Variants in UPP2 observed in about 807,000 individuals in gnomAD.
UPP2 encodes the protein uridine phosphorylase 2, also known as UPase 2.
UPP2 carries 23 observed loss-of-function variants against 26.7 expected under a neutral mutation model. The observed-to-expected ratio is 0.86, with a 90% CI of 0.62 to 1.22. UPP2 has a LOEUF of 1.22. UPP2 is among the 50% of genes most tolerant of loss of function. UPP2 has a pLI of 0.00. For synonymous variants in UPP2, 127 were observed against 141.3 expected, an observed-to-expected ratio of 0.90 and a Z score of 0.72; for missense variants, 387 against 396.7, an observed-to-expected ratio of 0.98 and a Z score of 0.21.
At chr2:158,064,364 T>C (rs577649367) in intron 3 of UPP2, among the ~76,000 whole-genome samples, 2 of 80,964 alleles carry the variant, frequency 2.5e-5, no homozygotes, top group Admixed American at 2.9e-4. Flanking sequence ...GAGCATTTTT[T>C]TCATATGTTT....
At chr2:158,086,567 T>G (rs547509607) in intron 3 of UPP2, among the ~76,000 whole-genome samples, 28 of 152,118 alleles carry the variant, frequency 1.8e-4, no homozygotes, top group Non-Finnish European at 3.4e-4. Flanking sequence ...TATAGTTCCT[T>G]GAGGTGTGAC....
chr2:158,030,921 A>G (rs938679497), intron 3 of UPP2, among the ~76,000 whole-genome samples: 11 of 152,216 alleles, frequency 7.2e-5, no homozygotes, highest in African/African-American at 2.4e-4. Context: ...GGAGCTTAGC[A>G]TCTAGCTGGG....
chr2:158,046,558 A>C (rs1684159436), intron 3 of UPP2, among the ~76,000 whole-genome samples: 1 of 152,230 alleles, frequency 6.6e-6, no homozygotes, highest in South Asian at 2.1e-4. Flanking sequence ...GGAAGCATCT[A>C]AAGGTAGATA....
intron 3 of UPP2, among the ~76,000 whole-genome samples, chr2:158,027,692 T>C (rs1683856086): frequency 6.6e-6 from 1 of 152,172 alleles, no homozygotes; most frequent in African/African-American, 2.4e-5. Context: ...ACCCCACATT[T>C]CCCTTCTGCA....
chr2:158,031,124 T>G (rs1182352701), intron 3 of UPP2, among the ~76,000 whole-genome samples: 3 of 152,152 alleles, frequency 2.0e-5, no homozygotes, highest in Admixed American at 1.3e-4. Context: ...AATAAATGCC[T>G]CAGAATTAAA....
At chr2:158,027,787 A>G (rs1683857769) in intron 3 of UPP2, among the ~76,000 whole-genome samples, 1 of 152,194 alleles carries the variant, frequency 6.6e-6, no homozygotes, top group South Asian at 2.1e-4. Flanking sequence ...TACATCTGAA[A>G]TCTAGGCGGA....
intron 2 of UPP2, among the ~76,000 whole-genome samples, chr2:158,111,573 A>T (rs1683321072): frequency 6.6e-6 from 1 of 152,130 alleles, no homozygotes; most frequent in African/African-American, 2.4e-5. Context: ...ATTTAATGTA[A>T]TTATTGATAT....
At chr2:158,068,395 C>T (rs1682470771) in intron 3 of UPP2, among the ~76,000 whole-genome samples, 1 of 152,128 alleles carries the variant, frequency 6.6e-6, no homozygotes, top group Admixed American at 6.5e-5. Flanking sequence ...CAGAGAATTA[C>T]CTGAACATAT....
intron 4 of UPP2, among the ~76,000 whole-genome samples, chr2:158,119,626 C>T (rs1007785076): frequency 9.9e-5 from 15 of 151,996 alleles, no homozygotes; most frequent in African/African-American, 3.6e-4. Flanking sequence ...ATATAAATAA[C>T]ATCATTTTTA....
chr2:158,123,614 C>T (rs1467038815), intron 5 of UPP2, 135 bp from the exon 6 acceptor site: 1 of 994,272 alleles, frequency 1.0e-6, no homozygotes, highest in Non-Finnish European at 1.4e-6. Flanking sequence ...TCACACAGCT[C>T]AGTTTATCCT....
intron 3 of UPP2, among the ~76,000 whole-genome samples, chr2:158,017,419 GAAGCAGCAGC>G (rs145017678): frequency 0.03 from 4,568 of 152,172 alleles, 222 homozygotes; most frequent in African/African-American, 0.1. Flanking sequence ...CTCCTGGAAG[GAAGCAGCAGC>G]AAGCAGGAGC....
chr2:158,050,612 A>G (rs77677884), intron 3 of UPP2, among the ~76,000 whole-genome samples: 5,747 of 152,276 alleles, frequency 0.038, 347 homozygotes, highest in African/African-American at 0.13. Context: ...AGTGTGGATA[A>G]CATAGCAAGA....
intron 2 of UPP2, among the ~76,000 whole-genome samples, chr2:158,013,485 T>C (rs1402094634): frequency 6.6e-6 from 1 of 152,196 alleles, no homozygotes; most frequent in Non-Finnish European, 1.5e-5. Flanking sequence ...TGGAAAGGCT[T>C]GGGGAAGAGG....
intron 5 of UPP2, among the ~76,000 whole-genome samples, chr2:158,123,449 C>G (rs568802358): frequency 2.6e-5 from 4 of 152,190 alleles, no homozygotes; most frequent in African/African-American, 7.2e-5. Context: ...AGCAACCCCC[C>G]GCTTCCTGAT....
At chr2:158,008,563 G>A (rs1000652353) in intron 2 of UPP2, among the ~76,000 whole-genome samples, 11 of 152,128 alleles carry the variant, frequency 7.2e-5, no homozygotes, top group Non-Finnish European at 1.5e-4. Flanking sequence ...TGGGTATCCC[G>A]TTTCCCTAAA....
intron 3 of UPP2, among the ~76,000 whole-genome samples, chr2:158,067,174 T>C (rs548639763): frequency 2.6e-5 from 4 of 151,956 alleles, no homozygotes; most frequent in Non-Finnish European, 5.9e-5. Context: ...AATATTTGGA[T>C]ACTTGATAAT....
rs1050087944 is a variant in UPP2, at chr2:158,106,009, C to A, written c.63-90C>A. ...ATTGCTTCTCAACAAATAATTTAAC[C>A]CTAAAGGAAGGTTTATGTTCAGACT... On this transcript the variant is annotated intron_variant, in intron 1 of 6. Transcript: ENST00000005756. 69 of 952,216 alleles carry A rather than the reference C, an allele frequency of 7.2e-5. 1 individual carries two copies. In the East Asian group the frequency reaches 1.8e-3, roughly 25 times the overall value. The allele number at this position is 952,216 out of a possible 1,614,324, so 59.0% of individuals were successfully genotyped here.
At chr2:158,106,259 C>T (rs1408946799) in intron 2 of UPP2, 43 bp downstream of exon 2, 2 of 1,564,894 alleles carry the variant, frequency 1.3e-6, no homozygotes, top group African/African-American at 1.4e-5. Flanking sequence ...TGAGTTTTCT[C>T]TACTAATTTT....
At chr2:158,080,242 A>G (rs1378053889) in intron 3 of UPP2, among the ~76,000 whole-genome samples, 2 of 152,074 alleles carry the variant, frequency 1.3e-5, no homozygotes, top group Non-Finnish European at 2.9e-5. Context: ...ATATTTTCTT[A>G]TTTTATCTTC....
Sources: gnomAD v4.1 joint callset for allele counts (sites outside exome capture counted in the v4.1 genomes callset) on GRCh38, gnomAD v4.1.1 for gene constraint, MANE v1.5 for transcripts, NCBI Gene and HGNC (gene_info 2026-07-23, HGNC 2026-07-21) for gene names.